MAD1L1: variants seen among roughly 807,000 people sequenced by gnomAD.
MAD1L1 encodes mitotic arrest deficient 1 like 1.
In MAD1L1, 95 loss-of-function variants were observed where a neutral mutation model predicts 96.9. That is an observed-to-expected ratio of 0.98 (90% confidence interval 0.83 to 1.16). The LOEUF is 1.16. Among genes scored for constraint, MAD1L1 ranks in the 50% most tolerant of loss-of-function variants. The probability of loss-of-function intolerance (pLI) is 0.00; values close to 1 mark genes in which losing one functional copy is unlikely to be tolerated. For missense variants in MAD1L1, 1,007 were observed against 954.4 expected, an observed-to-expected ratio of 1.06 and a Z score of -0.73; for synonymous variants, 473 against 396.6, an observed-to-expected ratio of 1.19 and a Z score of -2.29.
chr7:1,935,322 C>G (rs570987638), intron 17 of MAD1L1, among the ~76,000 whole-genome samples: 1 of 152,366 alleles, frequency 6.6e-6, no homozygotes, highest in African/African-American at 2.4e-5. Flanking sequence ...CCGGGAGCAG[C>G]CCTTGTGCAG....
At chr7:2,134,161 T>C (rs141067924) in intron 11 of MAD1L1, among the ~76,000 whole-genome samples, 71 of 152,370 alleles carry the variant, frequency 4.7e-4, no homozygotes, top group African/African-American at 1.5e-3. Flanking sequence ...TGCCGCTGCA[T>C]TGATTTACGG....
chr7:2,139,667 G>A (rs1044795846), intron 11 of MAD1L1, among the ~76,000 whole-genome samples: 2 of 151,934 alleles, frequency 1.3e-5, no homozygotes, highest in Non-Finnish European at 2.9e-5. Flanking sequence ...GAGGACACCC[G>A]CCACTCTCCT....
chr7:1,966,791 C>T (rs1432992759), intron 15 of MAD1L1, among the ~76,000 whole-genome samples: 12 of 152,236 alleles, frequency 7.9e-5, no homozygotes, highest in African/African-American at 2.9e-4. Flanking sequence ...GGAGGAGGAA[C>T]GCCGCAATCG....
rs533941198 is a variant in MAD1L1 at position 1,891,606 on chromosome 7, C to T, written c.1998+6594G>A. On this transcript the variant is annotated intron_variant, in intron 18 of 18. Transcript: ENST00000265854. The stretch of plus-strand genomic sequence containing the variant: ...TTCTTATTATTATTAGAGATGGGAT[C>T]TCACTCTGTCACCCAGGCTAGAGTG... Among the ~76,000 whole-genome samples, 100 of 152,242 alleles carry T rather than the reference C, an allele frequency of 6.6e-4. 3 individuals carry two copies. In the South Asian group the frequency reaches 0.02, roughly 30 times the overall value.
chr7:1,959,602 G>A (rs895364041), intron 15 of MAD1L1, among the ~76,000 whole-genome samples: 1 of 152,262 alleles, frequency 6.6e-6, no homozygotes, highest in South Asian at 2.1e-4. Context: ...GGCACAAGGC[G>A]GGGTTCTCAT....
At chr7:2,007,507 T>TC (rs879346504) in intron 13 of MAD1L1, among the ~76,000 whole-genome samples, 3 of 151,148 alleles carry the variant, frequency 2.0e-5, no homozygotes, top group East Asian at 1.9e-4. Context: ...CATGGTGAAA[T>TC]TACTAAAAAT....
chr7:2,003,797 C>T (rs1268656411), intron 13 of MAD1L1, among the ~76,000 whole-genome samples: 9 of 152,178 alleles, frequency 5.9e-5, no homozygotes, highest in Non-Finnish European at 1.3e-4. Flanking sequence ...GGCAGGTGGC[C>T]GTGGCCACGC....
chr7:2,220,019 C>A (rs1457446871), intron 5 of MAD1L1, among the ~76,000 whole-genome samples: 2 of 152,236 alleles, frequency 1.3e-5, no homozygotes, highest in Non-Finnish European at 2.9e-5. Flanking sequence ...CCCGCCACAC[C>A]ATCACTTCGG....
At chr7:1,939,775 G>C (rs1468273828) in intron 16 of MAD1L1, among the ~76,000 whole-genome samples, 4 of 152,224 alleles carry the variant, frequency 2.6e-5, no homozygotes, top group Non-Finnish European at 5.9e-5. Flanking sequence ...TAAGCCTCCA[G>C]CCTCCCAAGA....
chr7:1,920,838 G>A (rs2128456349), intron 17 of MAD1L1, among the ~76,000 whole-genome samples: 1 of 152,350 alleles, frequency 6.6e-6, no homozygotes, highest in Admixed American at 6.5e-5. Context: ...CACGAACACT[G>A]TGTATCCATT....
chr7:2,060,263 A>ATACGCCGATGCCGAGG lies in MAD1L1; in HGVS notation c.1218+8930_1218+8931insCCTCGGCATCGGCGTA, dbSNP rs1562648060. On this transcript the variant is annotated intron_variant, in intron 12 of 18. Transcript: ENST00000265854. Reference sequence around the variant, plus strand: ...GATGCCGAGATACGCCGATGCCGAGATACGCCGATGCCGAGATACGCCGAT... The same window carrying ATACGCCGATGCCGAGG: ...GATGCCGAGATACGCCGATGCCGAGATACGCCGATGCCGAGGTACGCCGATGCCGAGATACGCCGAT... 1.8e-3 allele frequency among the ~76,000 whole-genome samples: 263 copies of ATACGCCGATGCCGAGG among 145,188 alleles called. 3 individuals carry two copies. Among genetic ancestry groups the ATACGCCGATGCCGAGG allele is most frequent in the African/African-American group, 6.3e-3 (252 of 40,286 alleles).
At chr7:2,166,904 C>T (rs571251558) in intron 10 of MAD1L1, among the ~76,000 whole-genome samples, 2 of 152,322 alleles carry the variant, frequency 1.3e-5, no homozygotes, top group African/African-American at 2.4e-5. Context: ...CACACCTGGG[C>T]GGCGCACTCC....
intron 11 of MAD1L1, among the ~76,000 whole-genome samples, chr7:2,115,968 C>T (rs1055436091): frequency 1.1e-4 from 16 of 147,650 alleles, no homozygotes; most frequent in African/African-American, 3.4e-4. Flanking sequence ...GCTGCGCTGC[C>T]GGAGACGGTG....
At chr7:1,917,941 CA>C (rs950338535) in intron 17 of MAD1L1, among the ~76,000 whole-genome samples, 4 of 152,184 alleles carry the variant, frequency 2.6e-5, no homozygotes, top group African/African-American at 4.8e-5. Flanking sequence ...TGTGTTGCAT[CA>C]GGCCCCACCC....
chr7:2,171,365 A>G (rs1320109133), intron 10 of MAD1L1, among the ~76,000 whole-genome samples: 1 of 152,262 alleles, frequency 6.6e-6, no homozygotes, highest in African/African-American at 2.4e-5. Context: ...CTGGAGCCAC[A>G]GCATGCACAC....
intron 18 of MAD1L1, 116 bp downstream of exon 18, chr7:1,898,084 C>T: frequency 8.8e-7 from 1 of 1,132,494 alleles, no homozygotes; most frequent in South Asian, 1.4e-5. Flanking sequence ...GCCCAGCCCT[C>T]CACACCATCC....
Position 2,013,326 on chromosome 7 carries a change from C to T in MAD1L1, c.1359+1176G>A, listed in dbSNP as rs562359737. On this transcript the variant is annotated intron_variant, in intron 13 of 18. Coordinates refer to ENST00000265854, the MANE Select transcript of MAD1L1 (RefSeq NM_001013836.2). ...GCCATCATCTGCATCTCCATCTCAC[C>T]GCAGTCTCCACCATCAAGGCCCAGC... 3.2e-3 allele frequency among the ~76,000 whole-genome samples: 495 copies of T among 152,348 alleles called. 1 individual carries two copies. Among genetic ancestry groups the T allele is most frequent in the Non-Finnish European group, 5.1e-3 (346 of 68,028 alleles).
intron 12 of MAD1L1, among the ~76,000 whole-genome samples, chr7:2,023,521 C>G (rs191944833): frequency 6.6e-6 from 1 of 152,064 alleles, no homozygotes; most frequent in East Asian, 1.9e-4. Flanking sequence ...TAGGATGAAA[C>G]AAAAGCCATG....
At position 2,164,593 on chromosome 7, in the gene MAD1L1, T is replaced by TGG. The variant is rs11335779; in HGVS notation, c.987-15357_987-15356dup. Among the ~76,000 whole-genome samples, 20 of 79,516 alleles carry TGG rather than the reference T, an allele frequency of 2.5e-4. 1 individual carries two copies. The highest frequency in any genetic ancestry group is 1.8e-3 in the South Asian group (4 of 2,224). The allele number at this position is 79,516 out of a possible 152,430, so 52.2% of individuals were successfully genotyped here. A position where few individuals can be genotyped will look rare whatever the true frequency, so the allele number is the denominator to read the frequency against. On this transcript the variant is annotated intron_variant, in intron 10 of 18. Coordinates refer to ENST00000265854, the MANE Select transcript of MAD1L1 (RefSeq NM_001013836.2). Reference sequence around the variant, plus strand: ...AAACCACACTAAGAAGCAGGAAAAATGGGGGGGGGGGGGGTTGCGGGTGGT... The same window carrying TGG: ...AAACCACACTAAGAAGCAGGAAAAATGGGGGGGGGGGGGGGGTTGCGGGTGGT...
Sources: gnomAD v4.1 joint callset for allele counts (sites outside exome capture counted in the v4.1 genomes callset) on GRCh38, gnomAD v4.1.1 for gene constraint, MANE v1.5 for transcripts, NCBI Gene and HGNC (gene_info 2026-07-23, HGNC 2026-07-21) for gene names.